The following EIF4A2 variants were observed in gnomAD, a reference collection of about 807,000 sequenced individuals.
EIF4A2 encodes eukaryotic initiation factor 4A-II.
A neutral mutation model predicts 50.6 loss-of-function variants in EIF4A2; 9 were observed. That is an observed-to-expected ratio of 0.18 (90% CI 0.11 to 0.31). EIF4A2 has a LOEUF of 0.31. Among genes scored for constraint, EIF4A2 ranks in the 10% least tolerant of loss-of-function variants. The probability of loss-of-function intolerance (pLI) is 1.00; values close to 1 mark genes in which losing one functional copy is unlikely to be tolerated. For missense variants in EIF4A2, 182 were observed against 501.8 expected (o/e 0.36, Z 6.09); for synonymous variants, 215 against 164.4 (o/e 1.31, Z -2.35).
chr3:186,788,099 C>T (rs1013673923), intron 10 of EIF4A2: 2 of 699,526 alleles, frequency 2.9e-6, no homozygotes, highest in Admixed American at 3.0e-5. Context: ...TTTTTTTCCA[C>T]AATTGTTGGT....
At chr3:186,787,681 G>A in intron 9 of EIF4A2, 97 bp downstream of exon 9, 1 of 1,587,630 alleles carries the variant, frequency 6.3e-7, no homozygotes, top group Non-Finnish European at 8.7e-7. Context: ...ATTTGGAAGA[G>A]TAAAAGACCA....
At chr3:186,785,420 T>C in intron 4 of EIF4A2, 1 of 389,366 alleles carries the variant, frequency 2.6e-6, no homozygotes, top group Non-Finnish European at 4.7e-6. Flanking sequence ...GTCTCCGTAG[T>C]TCGTGATGCA....
Position 186,785,216 on chromosome 3 carries a change from A to G in EIF4A2, c.348+115A>G, listed in dbSNP as rs570210998. ...TGGTCCTACCAGATCCCTCCTTTTAATTGTCCATGCATGCAGGGAGTTTTT... is the reference window on the plus strand; with the variant it reads ...TGGTCCTACCAGATCCCTCCTTTTAGTTGTCCATGCATGCAGGGAGTTTTT... On this transcript the variant is annotated intron_variant, in intron 4 of 10. Coordinates refer to ENST00000323963, the MANE Select transcript of EIF4A2 (RefSeq NM_001967.4). 6.2e-6 allele frequency: 9 copies of G among 1,460,846 alleles called. No homozygotes were observed. In the African/African-American group the frequency reaches 9.9e-5, roughly 16 times the overall value. 90.5% of individuals were successfully genotyped at this position (1,460,846 alleles called of 1,614,324 possible). A position where few individuals can be genotyped will look rare whatever the true frequency, so the allele number is the denominator to read the frequency against.
intron 7 of EIF4A2, 64 bp downstream of exon 7, chr3:186,786,709 A>G (rs2108458856): frequency 1.2e-6 from 2 of 1,604,624 alleles, no homozygotes; most frequent in South Asian, 1.1e-5. Context: ...AAAATTGCAG[A>G]CACTAGGACC....
intron 1 of EIF4A2, 138 bp from the exon 2 acceptor site, chr3:186,784,292 TGG>T (rs1483699623): frequency 2.4e-6 from 3 of 1,243,270 alleles, no homozygotes; most frequent in Non-Finnish European, 3.4e-6. Context: ...GCGCACAGTG[TGG>T]ATATTCGCCC....
At chr3:186,785,568 A>C (rs1003226118) in intron 4 of EIF4A2, 2 of 333,024 alleles carry the variant, frequency 6.0e-6, no homozygotes, top group Non-Finnish European at 1.1e-5. Flanking sequence ...CATTTGCCCT[A>C]GCTGTAATTA....
At chr3:186,785,771 C>T (rs1721667754) in intron 4 of EIF4A2, 112 bp from the exon 5 acceptor site, 3 of 1,341,300 alleles carry the variant, frequency 2.2e-6, no homozygotes, top group Non-Finnish European at 3.0e-6. Flanking sequence ...TAGTTTTGTG[C>T]TGTGCATGCA....
At chr3:186,788,963 ATTT>A (rs920536417) in intron 10 of EIF4A2, 159 bp from the exon 11 acceptor site, 2 of 1,038,234 alleles carry the variant, frequency 1.9e-6, no homozygotes, top group Non-Finnish European at 1.3e-6. Context: ...GCAAAGGAAG[ATTT>A]TTTTCTCTAG....
At chr3:186,789,016 C>T (rs1041538008) in intron 10 of EIF4A2, 109 bp from the exon 11 acceptor site, 1 of 1,462,440 alleles carries the variant, frequency 6.8e-7, no homozygotes, top group Non-Finnish European at 9.1e-7. Context: ...GAAGCACGAA[C>T]TATAACCTTG....
intron 4 of EIF4A2, 161 bp from the exon 5 acceptor site, chr3:186,785,722 C>T (rs1044063485): frequency 4.6e-6 from 4 of 865,038 alleles, no homozygotes; most frequent in South Asian, 2.3e-5. Flanking sequence ...GGAATTTTAC[C>T]TTGCAGCAGT....
In EIF4A2 at chr3:186,787,820, G is replaced by A. The variant is rs570364477; in HGVS notation, c.1017G>A (p.Val339=). Residue 339 remains valine, a synonymous_variant, in exon 10 of 11, where the codon GTG becomes GTA. Coordinates refer to ENST00000323963, the MANE Select transcript of EIF4A2 (RefSeq NM_001967.4). The part of the protein sequence containing the change: ...TTDLLARGID[V]QQVSLVINYD... ...TGTTTCAGGCTCGCGGGATTGATGT[G>A]CAACAAGTGTCTTTGGTTATAAATT... is the stretch of plus-strand genomic sequence containing the variant. 2.5e-6 allele frequency: 4 copies of A among 1,613,920 alleles called. No individual in the cohort carries two copies. In the Admixed American group the frequency reaches 6.7e-5, roughly 27 times the overall value.
At chr3:186,788,754 T>C in intron 10 of EIF4A2, 1 of 237,930 alleles carries the variant, frequency 4.2e-6, no homozygotes, top group Non-Finnish European at 8.3e-6. Context: ...TCGAAATGGA[T>C]TACATAACTG....
intron 9 of EIF4A2, 109 bp from the exon 10 acceptor site, chr3:186,787,694 C>T (rs756511439): frequency 3.8e-6 from 6 of 1,579,800 alleles, no homozygotes; most frequent in African/African-American, 2.7e-5. Flanking sequence ...AAAGACCACA[C>T]TCCACAGTGG....
Position 186,789,527 on chromosome 3 carries a change from T to C in EIF4A2, c.*258T>C. ...TGTAAAATCTTTCTTTCTTAGAAATTTATTTCCTAGTTCTGTAGAAATGGT... is the reference window on the plus strand; with the variant it reads ...TGTAAAATCTTTCTTTCTTAGAAATCTATTTCCTAGTTCTGTAGAAATGGT... On this transcript the variant is annotated 3_prime_UTR_variant, in exon 11 of 11. Coordinates refer to ENST00000323963, the MANE Select transcript of EIF4A2 (RefSeq NM_001967.4). The C allele has an allele frequency of 2.6e-6, 1 of 385,754 alleles. No homozygotes were observed. Among genetic ancestry groups the C allele is most frequent in the Non-Finnish European group, 4.6e-6 (1 of 217,724 alleles). 23.9% of individuals were successfully genotyped at this position (385,754 alleles called of 1,614,324 possible).
Position 186,789,786 on chromosome 3 carries a change from T to TGCTAAGCCCCAGCAAGC in EIF4A2, c.*518_*534dup. The TGCTAAGCCCCAGCAAGC allele has an allele frequency of 1.7e-6, 1 of 572,996 alleles. No homozygotes were observed. Among genetic ancestry groups the TGCTAAGCCCCAGCAAGC allele is most frequent in the South Asian group, 2.2e-5 (1 of 45,374 alleles). 35.5% of individuals were successfully genotyped at this position (572,996 alleles called of 1,614,324 possible). On this transcript the variant is annotated 3_prime_UTR_variant, in exon 11 of 11. Coordinates refer to ENST00000323963, the MANE Select transcript of EIF4A2 (RefSeq NM_001967.4). ...GTGCTAAGTGTGAACTGGACCCTGT[T>TGCTAAGCCCCAGCAAGC]GCTAAGCCCCAGCAAGCAATCCTAG...
In EIF4A2 at chr3:186,786,278, G is replaced by A; in HGVS notation, c.627+5G>A. ...AAACTAAACACAAGTATTCAGGTAAGCATTACTTCACCCCCCTCTTAAAGG... is the reference window on the plus strand; with the variant it reads ...AAACTAAACACAAGTATTCAGGTAAACATTACTTCACCCCCCTCTTAAAGG... On this transcript the variant is annotated splice_donor_5th_base_variant and intron_variant, in intron 6 of 10. Coordinates refer to ENST00000323963, the MANE Select transcript of EIF4A2 (RefSeq NM_001967.4). 4 of 1,610,266 alleles carry A rather than the reference G, an allele frequency of 2.5e-6. No homozygotes were observed. The highest frequency in any genetic ancestry group is 3.4e-6 in the Non-Finnish European group (4 of 1,177,732).
chr3:186,783,601 T>G lies in EIF4A2; in HGVS notation c.-10T>G, dbSNP rs376862581. ...TCTTTTCAGTCGGGCGCTGAGTGGT[T>G]TTTCGGATCATGTCTGGTGGCTCCG... On this transcript the variant is annotated 5_prime_UTR_variant, in exon 1 of 11. Transcript: ENST00000323963. 12 of 1,614,070 alleles carry G rather than the reference T, an allele frequency of 7.4e-6. No individual in the cohort carries two copies. The highest frequency in any genetic ancestry group is 1.7e-5 in the Admixed American group (1 of 60,012).
In EIF4A2 at chr3:186,784,555, A is replaced by C; in HGVS notation, c.76-9A>C. ...CATTTATGCGTGCATTATTTTTTCT[A>C]ACTTACAGAGCAACTGGAATGAGAT... On this transcript the variant is annotated splice_polypyrimidine_tract_variant and intron_variant, in intron 2 of 10. Coordinates refer to ENST00000323963, the MANE Select transcript of EIF4A2 (RefSeq NM_001967.4). 1 of 1,614,146 alleles carries C rather than the reference A, an allele frequency of 6.2e-7. No individual in the cohort carries two copies. The highest frequency in any genetic ancestry group is 1.1e-5 in the South Asian group (1 of 91,086).
At chr3:186,784,848 C>T (rs1353674455) in intron 3 of EIF4A2, 114 bp from the exon 4 acceptor site, 1 of 1,595,340 alleles carries the variant, frequency 6.3e-7, no homozygotes, top group South Asian at 1.1e-5. Context: ...GAAGAGAATA[C>T]TCATTGCTGA....
Sources: gnomAD v4.1 joint callset for allele counts on GRCh38, gnomAD v4.1.1 for gene constraint, MANE v1.5 for transcripts, NCBI Gene and HGNC (gene_info 2026-07-23, HGNC 2026-07-21) for gene names.